CSMD1: variants seen among roughly 807,000 people sequenced by gnomAD.
The protein encoded by CSMD1 is CUB and sushi domain-containing protein 1.
In CSMD1, 213 loss-of-function variants were observed where a neutral mutation model predicts 417.5. The ratio of observed to expected loss-of-function variants is 0.51; its 90% CI spans 0.46 to 0.57. CSMD1 has a LOEUF of 0.57. Among genes scored for constraint, CSMD1 ranks in the 20% least tolerant of loss-of-function variants. CSMD1 has a pLI of 0.00. For missense variants in CSMD1, 6,923 were observed against 4,529.7 expected, an observed-to-expected ratio of 1.53 and a Z score of -15.17; for synonymous variants, 2,862 against 1,736.8, an observed-to-expected ratio of 1.65 and a Z score of -16.11.
intron 3 of CSMD1, among the ~76,000 whole-genome samples, chr8:4,181,708 T>A (rs1034097577): frequency 2.0e-5 from 3 of 149,522 alleles, no homozygotes; most frequent in African/African-American, 4.9e-5. Flanking sequence ...CAATATAATC[T>A]CCCCTCAGAA....
At chr8:4,273,784 G>C (rs868379542) in intron 3 of CSMD1, among the ~76,000 whole-genome samples, 5 of 152,148 alleles carry the variant, frequency 3.3e-5, no homozygotes, top group Non-Finnish European at 5.9e-5. Context: ...GTAAGCTTCT[G>C]TCTGCGTGTA....
intron 2 of CSMD1, among the ~76,000 whole-genome samples, chr8:4,454,938 T>C (rs1799379135): frequency 6.6e-6 from 1 of 152,180 alleles, no homozygotes; most frequent in Non-Finnish European, 1.5e-5. Context: ...TCCAGACTCA[T>C]GACGCTTCTG....
intron 7 of CSMD1, among the ~76,000 whole-genome samples, chr8:3,630,948 A>G (rs768073740): frequency 2.6e-5 from 4 of 152,178 alleles, no homozygotes; most frequent in Non-Finnish European, 5.9e-5. Flanking sequence ...CTTTCTTCCA[A>G]GAGATGAGAC....
intron 1 of CSMD1, among the ~76,000 whole-genome samples, chr8:4,954,089 C>T (rs1808921404): frequency 6.6e-6 from 1 of 152,122 alleles, no homozygotes; most frequent in Admixed American, 6.6e-5. Context: ...TCCATGTATC[C>T]TACCTGTGCC....
intron 1 of CSMD1, among the ~76,000 whole-genome samples, chr8:4,815,694 C>CAAAAAAAAAAA (rs1218931391): frequency 1.8e-4 from 12 of 67,598 alleles, no homozygotes; most frequent in South Asian, 6.0e-4. Context: ...AAAGCTGTCT[C>CAAAAAAAAAAA]AAAAAAAAAA....
At chr8:3,691,619 T>C (rs1800248046) in intron 7 of CSMD1, among the ~76,000 whole-genome samples, 1 of 152,180 alleles carries the variant, frequency 6.6e-6, no homozygotes, top group African/African-American at 2.4e-5. Context: ...AACAAAAATA[T>C]ATAACAACTG....
At chr8:3,417,904 A>G (rs537917700) in intron 12 of CSMD1, among the ~76,000 whole-genome samples, 1 of 152,206 alleles carries the variant, frequency 6.6e-6, no homozygotes, top group Non-Finnish European at 1.5e-5. Context: ...ACTGAAAACC[A>G]TATGACACAG....
chr8:3,471,855 G>A (rs1817123881), intron 11 of CSMD1, among the ~76,000 whole-genome samples: 1 of 152,120 alleles, frequency 6.6e-6, no homozygotes, highest in Non-Finnish European at 1.5e-5. Flanking sequence ...CACAGTTAAA[G>A]AAGAATGTGG....
At chr8:4,489,811 T>C (rs574540547) in intron 2 of CSMD1, among the ~76,000 whole-genome samples, 4 of 152,242 alleles carry the variant, frequency 2.6e-5, no homozygotes, top group South Asian at 2.1e-4. Context: ...GAGGAGAACA[T>C]AGTCAGGCTG....
chr8:4,536,308 CCT>C (rs1302405818), intron 2 of CSMD1, among the ~76,000 whole-genome samples: 2 of 151,980 alleles, frequency 1.3e-5, no homozygotes, highest in Non-Finnish European at 2.9e-5. Context: ...TAGTTTTCTC[CCT>C]GTTTTCAGCA....
chr8:3,151,089 A>T (rs1819165706), intron 40 of CSMD1, among the ~76,000 whole-genome samples: 1 of 152,212 alleles, frequency 6.6e-6, no homozygotes, highest in South Asian at 2.1e-4. Flanking sequence ...AGATTAGAAA[A>T]AGAGCTATTA....
At chr8:3,169,251 G>C (rs1820432820) in intron 37 of CSMD1, among the ~76,000 whole-genome samples, 2 of 152,140 alleles carry the variant, frequency 1.3e-5, no homozygotes, top group Non-Finnish European at 2.9e-5. Context: ...AGAAACCAGA[G>C]GAGACAAGTT....
chr8:3,039,601 T>C (rs548622446), intron 50 of CSMD1, among the ~76,000 whole-genome samples: 1 of 152,082 alleles, frequency 6.6e-6, no homozygotes, highest in African/African-American at 2.4e-5. Flanking sequence ...CTTCCACCAC[T>C]TGTACTAACC....
chr8:4,198,948 ATC>A (rs536200067), intron 3 of CSMD1, among the ~76,000 whole-genome samples: 228 of 134,112 alleles, frequency 1.7e-3, no homozygotes, highest in African/African-American at 6.6e-3. Flanking sequence ...GTGTGTATTT[ATC>A]TTTTTTTAAG....
intron 1 of CSMD1, among the ~76,000 whole-genome samples, chr8:4,950,972 A>C (rs1370236542): frequency 2.0e-5 from 2 of 100,002 alleles, no homozygotes; most frequent in Non-Finnish European, 4.0e-5. Flanking sequence ...TAAAAAAAAC[A>C]AAAACAAAAA....
At chr8:3,994,076 G>A (rs1158322867) in intron 5 of CSMD1, among the ~76,000 whole-genome samples, 1 of 152,206 alleles carries the variant, frequency 6.6e-6, no homozygotes. Flanking sequence ...GCACACTGAG[G>A]CTTCCAGGCT....
chr8:3,234,538 G>A (rs556544386), intron 26 of CSMD1, among the ~76,000 whole-genome samples: 1 of 152,176 alleles, frequency 6.6e-6, no homozygotes, highest in South Asian at 2.1e-4. Context: ...TCAATGGAAA[G>A]AGAGCGGGAA....
At chr8:4,514,148 G>C (rs553796153) in intron 2 of CSMD1, among the ~76,000 whole-genome samples, 1 of 152,200 alleles carries the variant, frequency 6.6e-6, no homozygotes, top group African/African-American at 2.4e-5. Flanking sequence ...TGAGCTCCTG[G>C]TGAGAGCTCT....
At chr8:3,998,962 G>C (rs899011934) in intron 4 of CSMD1, among the ~76,000 whole-genome samples, 6 of 146,218 alleles carry the variant, frequency 4.1e-5, no homozygotes, top group Non-Finnish European at 8.9e-5. Context: ...CTATATGGTA[G>C]TTTATATATA....
Sources: gnomAD v4.1 joint callset for allele counts (sites outside exome capture counted in the v4.1 genomes callset) on GRCh38, gnomAD v4.1.1 for gene constraint, MANE v1.5 for transcripts, NCBI Gene and HGNC (gene_info 2026-07-23, HGNC 2026-07-21) for gene names.